The following GNA12 variants were observed in gnomAD, a reference collection of about 807,000 sequenced individuals.
GNA12 encodes the protein guanine nucleotide-binding protein subunit alpha-12.
In GNA12, 9 loss-of-function variants were observed where a neutral mutation model predicts 26.0. The ratio of observed to expected loss-of-function variants is 0.35; its 90% confidence interval spans 0.21 to 0.60. The LOEUF (loss-of-function observed/expected upper bound fraction) is 0.60, where lower values mean the gene tolerates loss of function less well. GNA12 is among the 20% of genes least tolerant of loss of function. The probability of loss-of-function intolerance (pLI) is 0.78; values close to 1 mark genes in which losing one functional copy is unlikely to be tolerated. For synonymous variants in GNA12, 264 were observed against 219.6 expected (o/e 1.20, Z -1.79); for missense variants, 405 against 525.8 (o/e 0.77, Z 2.25).
intron 2 of GNA12, among the ~76,000 whole-genome samples, chr7:2,742,899 A>C (rs1018429344): frequency 3.3e-5 from 5 of 152,236 alleles, no homozygotes; most frequent in African/African-American, 1.2e-4. Flanking sequence ...CACCCTGCTA[A>C]GCTCTGTATT....
At chr7:2,789,752 C>G (rs1792469785) in intron 2 of GNA12, among the ~76,000 whole-genome samples, 1 of 152,186 alleles carries the variant, frequency 6.6e-6, no homozygotes, top group Admixed American at 6.5e-5. Flanking sequence ...GGCCATGTGC[C>G]AGGTCCCCTC....
intron 1 of GNA12, among the ~76,000 whole-genome samples, chr7:2,813,695 A>G (rs938965931): frequency 6.6e-5 from 10 of 152,230 alleles, no homozygotes; most frequent in Non-Finnish European, 1.5e-4. Context: ...GAGGAGCAGG[A>G]AACAGCGTAT....
chr7:2,764,627 G>T (rs1345640902), intron 2 of GNA12: 2 of 152,228 alleles, frequency 1.3e-5, no homozygotes, highest in Non-Finnish European at 2.9e-5. Flanking sequence ...CCTGTCAGCT[G>T]GTCTCATCAG....
At chr7:2,774,376 T>C (rs1339757627) in intron 2 of GNA12, among the ~76,000 whole-genome samples, 2 of 152,146 alleles carry the variant, frequency 1.3e-5, no homozygotes, top group African/African-American at 2.4e-5. Flanking sequence ...TAATCAAGAT[T>C]GTCAGGTAAG....
chr7:2,743,445 A>G (rs1583222839), intron 2 of GNA12, among the ~76,000 whole-genome samples: 1 of 152,248 alleles, frequency 6.6e-6, no homozygotes. Context: ...AATATCCCAG[A>G]TACTGGGATG....
chr7:2,803,793 C>CA lies in GNA12; in HGVS notation c.310-8651dup, dbSNP rs764259342. On this transcript the variant is annotated intron_variant, in intron 1 of 3. Coordinates refer to ENST00000275364, the MANE Select transcript of GNA12 (RefSeq NM_007353.3). ...CCTTGAAAAGGTTTTCCTAAAAGTC[C>CA]AAAACAAAACAAAACAAAACAAACA... Among the ~76,000 whole-genome samples the CA allele has an allele frequency of 9.0e-3, 1,104 of 122,118 alleles. 7 individuals carry two copies. Among genetic ancestry groups the CA allele is most frequent in the Middle Eastern group, 0.025 (6 of 238 alleles). 80.1% of individuals were successfully genotyped at this position (122,118 alleles called of 152,430 possible). A position where few individuals can be genotyped will look rare whatever the true frequency, so the allele number is the denominator to read the frequency against.
intron 2 of GNA12, among the ~76,000 whole-genome samples, chr7:2,763,782 T>A (rs1791686532): frequency 1.3e-5 from 2 of 152,156 alleles, no homozygotes; most frequent in South Asian, 4.1e-4. Flanking sequence ...TCCTGTCGCC[T>A]GGAACAAGAA....
In GNA12 at chr7:2,843,859, G is replaced by T. The variant is rs1387980386; in HGVS notation, c.303C>A (p.Ile101=). The T allele has an allele frequency of 2.0e-6, 3 of 1,527,092 alleles. No individual in the cohort carries two copies. The highest frequency in any genetic ancestry group is 1.9e-5 in the Admixed American group (1 of 51,558). 94.6% of individuals were successfully genotyped at this position (1,527,092 alleles called of 1,614,324 possible). The change falls in exon 1 of 4, where the codon ATC becomes ATA. Residue 101 remains isoleucine, a synonymous_variant. Transcript: ENST00000275364. Reference sequence around the variant, plus strand: ...GGCGGGGGGCGCGCGTCACCTTGAGGATGTTGTCGAAGATGGTGTCGCGGA... The same window carrying T: ...GGCGGGGGGCGCGCGTCACCTTGAGTATGTTGTCGAAGATGGTGTCGCGGA... ...LEFRDTIFDN[I]LKGSRVLVDA...
chr7:2,822,511 A>C (rs1460468293), intron 1 of GNA12, among the ~76,000 whole-genome samples: 1 of 152,224 alleles, frequency 6.6e-6, no homozygotes, highest in African/African-American at 2.4e-5. Flanking sequence ...TGGGAGGCCA[A>C]GGTGGGAGGG....
chr7:2,792,999 C>G (rs533951093), intron 2 of GNA12, among the ~76,000 whole-genome samples: 1 of 152,228 alleles, frequency 6.6e-6, no homozygotes, highest in Non-Finnish European at 1.5e-5. Context: ...TCACCAGCCA[C>G]TGGACAATAT....
At chr7:2,737,265 TTTTGTTTTGTTTTTTTTTTTTTTG>T (rs1487562669) in intron 2 of GNA12, among the ~76,000 whole-genome samples, 41 of 65,576 alleles carry the variant, frequency 6.3e-4, no homozygotes, top group African/African-American at 1.8e-3. Flanking sequence ...TATCTCACAG[TTTTGTTTTGTTTTTTTTTTTTTTG>T]TTTTTTTTTT....
In GNA12 at chr7:2,797,928, A is replaced by G. The variant is rs142063158; in HGVS notation, c.310-2785T>C. Reference sequence around the variant, plus strand: ...CTAGAAAGACAAATGTATGGATAAAAAAAATACTTACCACCCACTCATGAT... The same window carrying G: ...CTAGAAAGACAAATGTATGGATAAAGAAAATACTTACCACCCACTCATGAT... On this transcript the variant is annotated intron_variant, in intron 1 of 3. Transcript: ENST00000275364. Among the ~76,000 whole-genome samples the G allele has an allele frequency of 9.8e-5, 15 of 152,364 alleles. No individual in the cohort carries two copies. In the East Asian group the frequency reaches 2.7e-3, roughly 27 times the overall value.
intron 1 of GNA12, among the ~76,000 whole-genome samples, chr7:2,800,521 C>T (rs1792783581): frequency 6.6e-6 from 1 of 152,242 alleles, no homozygotes; most frequent in African/African-American, 2.4e-5. Flanking sequence ...GAAAAACTGC[C>T]TGCCTCTCTG....
At position 2,729,835 on chromosome 7, in the gene GNA12, T is replaced by G. The variant is rs1789798126; in HGVS notation, c.*1346A>C. 6.6e-6 allele frequency: 1 copy of G among 152,330 alleles called. No homozygotes were observed. The highest frequency in any genetic ancestry group is 2.1e-4 in the South Asian group (1 of 4,832). The allele number at this position is 152,330 out of a possible 1,614,324, so 9.4% of individuals were successfully genotyped here. On this transcript the variant is annotated 3_prime_UTR_variant, in exon 4 of 4. Coordinates refer to ENST00000275364, the MANE Select transcript of GNA12 (RefSeq NM_007353.3). ...ATACACAGAGGGGACCAGCTTGGAA[T>G]GCAATGTATTTTAAACACAGTGAAA...
intron 2 of GNA12, among the ~76,000 whole-genome samples, chr7:2,766,780 C>A (rs1048443194): frequency 4.6e-5 from 7 of 152,172 alleles, no homozygotes; most frequent in Non-Finnish European, 1.0e-4. Flanking sequence ...TGGATAAATA[C>A]CCCGAGGAGG....
rs1236210987 is a variant in GNA12 at position 2,728,929 on chromosome 7, CGCCG to C, written c.*2248_*2251del. On this transcript the variant is annotated 3_prime_UTR_variant, in exon 4 of 4. Transcript: ENST00000275364. Reference sequence around the variant, plus strand: ...CAGCGCTGAGCGGGTCAAGAGCCCGCGCCGGGGGCCATCCCCCTGCGCTTTCTAT... The same window carrying C: ...CAGCGCTGAGCGGGTCAAGAGCCCGCGGGGCCATCCCCCTGCGCTTTCTAT... The C allele has an allele frequency of 1.3e-5, 2 of 152,384 alleles. No homozygotes were observed. Among genetic ancestry groups the C allele is most frequent in the Admixed American group, 6.5e-5 (1 of 15,284 alleles). 9.4% of individuals were successfully genotyped at this position (152,384 alleles called of 1,614,324 possible).
chr7:2,836,408 C>A (rs188726369), intron 1 of GNA12, among the ~76,000 whole-genome samples: 7 of 152,284 alleles, frequency 4.6e-5, no homozygotes, highest in Admixed American at 4.6e-4. Context: ...GGCAGGCTAC[C>A]CAGCGACCTC....
At chr7:2,803,906 C>A (rs554523425) in intron 1 of GNA12, among the ~76,000 whole-genome samples, 1 of 152,170 alleles carries the variant, frequency 6.6e-6, no homozygotes, top group Non-Finnish European at 1.5e-5. Context: ...TCAAAACTCA[C>A]AAGCCAGCAG....
In GNA12 at chr7:2,736,414, C is replaced by T. The variant is rs144157776; in HGVS notation, c.526-2913G>A. Among the ~76,000 whole-genome samples the T allele has an allele frequency of 1.7e-3, 249 of 150,662 alleles. 2 individuals carry two copies. The highest frequency in any genetic ancestry group is 0.01 in the Middle Eastern group (3 of 288). On this transcript the variant is annotated intron_variant, in intron 2 of 3. Transcript: ENST00000275364. ...ATTTCATTAGGCTGGGGCCAGCGGCCACTGAGCACACACCTGACAGGGGCC... is the reference window on the plus strand; with the variant it reads ...ATTTCATTAGGCTGGGGCCAGCGGCTACTGAGCACACACCTGACAGGGGCC...
Sources: gnomAD v4.1 joint callset for allele counts (sites outside exome capture counted in the v4.1 genomes callset) on GRCh38, gnomAD v4.1.1 for gene constraint, MANE v1.5 for transcripts, NCBI Gene and HGNC (gene_info 2026-07-23, HGNC 2026-07-21) for gene names.